The following IMMP2L variants were observed in gnomAD, a reference collection of about 807,000 sequenced individuals.
The protein encoded by IMMP2L is mitochondrial inner membrane protease subunit 2.
In IMMP2L, 18 loss-of-function variants were observed where a neutral mutation model predicts 19.3. The ratio of observed to expected loss-of-function variants is 0.93; its 90% CI spans 0.64 to 1.38. The LOEUF is 1.38. Among genes scored for constraint, IMMP2L ranks in the 40% most tolerant of loss-of-function variants. IMMP2L has a pLI of 0.00. For synonymous variants in IMMP2L, 76 were observed against 73.0 expected (o/e 1.04, Z -0.21); for missense variants, 233 against 218.2 (o/e 1.07, Z -0.43).
chr7:110,791,894 A>C (rs1584843109), intron 5 of IMMP2L, among the ~76,000 whole-genome samples: 1 of 151,854 alleles, frequency 6.6e-6, no homozygotes, highest in East Asian at 1.9e-4. Flanking sequence ...GGAAAGGGCA[A>C]ATGATGAGGT....
At chr7:111,547,064 G>GGCA (rs1848995334) in intron 1 of IMMP2L, among the ~76,000 whole-genome samples, 2 of 152,200 alleles carry the variant, frequency 1.3e-5, no homozygotes, top group East Asian at 3.9e-4. Flanking sequence ...TTAATCTAAG[G>GGCA]GCAACTAGAA....
intron 5 of IMMP2L, among the ~76,000 whole-genome samples, chr7:110,863,927 C>A (rs916434210): frequency 1.3e-5 from 2 of 151,998 alleles, no homozygotes; most frequent in Non-Finnish European, 2.9e-5. Flanking sequence ...TCTCTTCCCA[C>A]AGGGAGAATT....
chr7:111,366,276 T>C (rs1158955871), intron 3 of IMMP2L, among the ~76,000 whole-genome samples: 3 of 148,456 alleles, frequency 2.0e-5, no homozygotes, highest in Non-Finnish European at 4.5e-5. Flanking sequence ...GAATGCAAAA[T>C]CTGAACTTAA....
chr7:111,472,068 AT>A (rs1052748844), intron 3 of IMMP2L, among the ~76,000 whole-genome samples: 19 of 152,136 alleles, frequency 1.2e-4, no homozygotes, highest in African/African-American at 4.3e-4. Flanking sequence ...TTGTAAAAAA[AT>A]CTTAAAATCA....
chr7:111,541,375 T>C (rs575882471), intron 1 of IMMP2L, among the ~76,000 whole-genome samples: 12 of 152,278 alleles, frequency 7.9e-5, no homozygotes, highest in African/African-American at 2.9e-4. Context: ...CACAAGTGGG[T>C]AGTTGGGTAA....
At chr7:110,922,894 G>A (rs1027640984) in intron 4 of IMMP2L, among the ~76,000 whole-genome samples, 8 of 152,170 alleles carry the variant, frequency 5.3e-5, no homozygotes, top group African/African-American at 1.4e-4. Flanking sequence ...TAAAACCTGG[G>A]AAGTGGTGGA....
chr7:111,504,385 G>T (rs1020579241), intron 2 of IMMP2L, among the ~76,000 whole-genome samples: 15 of 152,136 alleles, frequency 9.9e-5, no homozygotes, highest in Middle Eastern at 3.4e-3. Context: ...TCGTGAAAAT[G>T]GCCATACTGC....
At chr7:110,733,538 G>A (rs1445523596) in intron 5 of IMMP2L, among the ~76,000 whole-genome samples, 2 of 151,392 alleles carry the variant, frequency 1.3e-5, no homozygotes, top group African/African-American at 4.8e-5. Context: ...AAGAGAAAGA[G>A]AGAAGGACAG....
chr7:110,685,666 T>A (rs988356063), intron 5 of IMMP2L, among the ~76,000 whole-genome samples: 1 of 152,142 alleles, frequency 6.6e-6, no homozygotes, highest in Admixed American at 6.5e-5. Flanking sequence ...ATTTTCTTCT[T>A]AGAAAATCTA....
rs547600787 is a variant in IMMP2L at position 111,070,542 on chromosome 7, A to AT, written c.240-106978dup. On this transcript the variant is annotated intron_variant, in intron 3 of 5. Transcript: ENST00000405709. ...TTGACTAAGAAAATAAGGAAGATTG[A>AT]TAAAAACTTAGAGTAAGTTGTTTTT... 7.9e-5 allele frequency among the ~76,000 whole-genome samples: 12 copies of AT among 152,340 alleles called. No homozygotes were observed. The South Asian group carries it at 2.5e-3, about 32-fold the overall frequency.
At chr7:111,413,681 A>C in intron 3 of IMMP2L, among the ~76,000 whole-genome samples, 1 of 151,786 alleles carries the variant, frequency 6.6e-6, no homozygotes, top group Non-Finnish European at 1.5e-5. Flanking sequence ...AAAAAATCTC[A>C]GCAAAGTTGA....
intron 3 of IMMP2L, among the ~76,000 whole-genome samples, chr7:111,018,602 T>C (rs1825942654): frequency 1.3e-5 from 2 of 152,106 alleles, no homozygotes; most frequent in Admixed American, 6.5e-5. Context: ...ACTCATTTAA[T>C]ACTCAACCCC....
chr7:110,738,781 A>C (rs1796807028), intron 5 of IMMP2L, among the ~76,000 whole-genome samples: 1 of 152,230 alleles, frequency 6.6e-6, no homozygotes, highest in Non-Finnish European at 1.5e-5. Context: ...AGGTTATCTA[A>C]AGACAAAGGA....
At chr7:111,030,220 T>C (rs1286435152) in intron 3 of IMMP2L, among the ~76,000 whole-genome samples, 1 of 152,122 alleles carries the variant, frequency 6.6e-6, no homozygotes, top group Admixed American at 6.6e-5. Context: ...CTGAGGCAAT[T>C]GTTTTAAATA....
In IMMP2L at chr7:111,079,353, G is replaced by A. The variant is rs191494980; in HGVS notation, c.240-115788C>T. Among the ~76,000 whole-genome samples the A allele has an allele frequency of 9.7e-3, 1,470 of 151,970 alleles. 25 individuals are homozygous for A. The highest frequency in any genetic ancestry group is 0.033 in the African/African-American group (1,364 of 41,474). ...GGGATGGTCTCGATCTCCTGACCTC[G>A]TGATCCACCCACCTCGGCCTCCCAA... On this transcript the variant is annotated intron_variant, in intron 3 of 5. Coordinates refer to ENST00000405709, the MANE Select transcript of IMMP2L (RefSeq NM_032549.4).
At chr7:110,772,951 C>CT (rs562486805) in intron 5 of IMMP2L, among the ~76,000 whole-genome samples, 5,286 of 149,636 alleles carry the variant, frequency 0.035, 307 homozygotes, top group African/African-American at 0.12. Context: ...ATATTCATTT[C>CT]TTTTTTTTTT....
intron 3 of IMMP2L, among the ~76,000 whole-genome samples, chr7:111,350,834 C>T (rs1260481803): frequency 6.6e-6 from 1 of 152,106 alleles, no homozygotes; most frequent in African/African-American, 2.4e-5. Flanking sequence ...GGCCACATTA[C>T]CCTAATTTCC....
intron 3 of IMMP2L, among the ~76,000 whole-genome samples, chr7:111,336,339 C>G (rs1826405451): frequency 6.6e-6 from 1 of 151,742 alleles, no homozygotes; most frequent in African/African-American, 2.4e-5. Flanking sequence ...CAGGTGTGAG[C>G]CACCACACCA....
At chr7:111,451,648 C>G (rs1220324178) in intron 3 of IMMP2L, among the ~76,000 whole-genome samples, 1 of 147,592 alleles carries the variant, frequency 6.8e-6, no homozygotes, top group Non-Finnish European at 1.5e-5. Context: ...ACCAGCATGG[C>G]ACATGTATAC....
Sources: gnomAD v4.1 joint callset for allele counts (sites outside exome capture counted in the v4.1 genomes callset) on GRCh38, gnomAD v4.1.1 for gene constraint, MANE v1.5 for transcripts, NCBI Gene and HGNC (gene_info 2026-07-23, HGNC 2026-07-21) for gene names.